Variants in BMP7 observed in about 807,000 individuals in gnomAD.
BMP7 encodes bone morphogenetic protein 7.
BMP7 carries 12 observed loss-of-function variants against 41.2 expected under a neutral mutation model. The observed-to-expected ratio is 0.29, with a 90% CI of 0.19 to 0.47. BMP7 has a LOEUF of 0.47. BMP7 is among the 20% of genes least tolerant of loss of function. BMP7 has a pLI of 0.99. For synonymous variants in BMP7, 248 were observed against 250.0 expected, an observed-to-expected ratio of 0.99 and a Z score of 0.07; for missense variants, 467 against 606.0, an observed-to-expected ratio of 0.77 and a Z score of 2.41.
intron 2 of BMP7, chr20:57,225,907 G>A (rs577681810): frequency 2.8e-5 from 13 of 469,634 alleles, no homozygotes; most frequent in African/African-American, 1.2e-4. Context: ...GCAGGGACTC[G>A]TGTCTGGTTC....
Position 57,183,822 on chromosome 20 carries a change from G to A in BMP7, c.858C>T (p.Val286=). Residue 286 remains valine (V), a synonymous_variant, in exon 4 of 7, where the codon GTC becomes GTT. Coordinates refer to ENST00000395863, the MANE Select transcript of BMP7 (RefSeq NM_001719.3). ...FMVAFFKATE[V]HFRSIRSTGS... is the part of the protein sequence containing the mutation. ...CCGTGGACCGGATGCTGCGGAAGTG[G>A]ACCTCCGTGGCCTTGAAGAAAGCCA... The A allele has an allele frequency of 1.2e-6, 2 of 1,614,170 alleles. No homozygotes were observed. The highest frequency in any genetic ancestry group is 2.2e-5 in the South Asian group (2 of 91,086).
At chr20:57,199,361 C>A (rs1427688467) in intron 3 of BMP7, among the ~76,000 whole-genome samples, 2 of 152,184 alleles carry the variant, frequency 1.3e-5, no homozygotes, top group Non-Finnish European at 2.9e-5. Flanking sequence ...CTCAAGTTAC[C>A]CAAGTCTTCT....
At position 57,266,149 on chromosome 20, in the gene BMP7, C is replaced by G. The variant is rs1269319587; in HGVS notation, c.-27G>C. 17 of 1,502,908 alleles carry G rather than the reference C, an allele frequency of 1.1e-5. No individual in the cohort carries two copies. Among genetic ancestry groups the G allele is most frequent in the Non-Finnish European group, 1.5e-5 (17 of 1,131,330 alleles). 93.1% of individuals were successfully genotyped at this position (1,502,908 alleles called of 1,614,324 possible). ...GCGCCGGCTCTACGCGCTACCCGGGCTCCGGGCTCCGGGCCCGCACCGCCC... is the reference window on the plus strand; with the variant it reads ...GCGCCGGCTCTACGCGCTACCCGGGGTCCGGGCTCCGGGCCCGCACCGCCC... On this transcript the variant is annotated 5_prime_UTR_variant, in exon 1 of 7. Coordinates refer to ENST00000395863, the MANE Select transcript of BMP7 (RefSeq NM_001719.3).
In BMP7 at chr20:57,222,022, C is replaced by T. The variant is rs149209791; in HGVS notation, c.611+6207G>A. Among the ~76,000 whole-genome samples the T allele has an allele frequency of 3.8e-3, 571 of 152,208 alleles. 5 individuals carry two copies. Among genetic ancestry groups the T allele is most frequent in the African/African-American group, 0.013 (552 of 41,534 alleles). ...GATCGCATTGTGGACCCAGCTAAAT[C>T]GATGGAAACGTAAAGAGAGCAGACC... On this transcript the variant is annotated intron_variant, in intron 2 of 6. Coordinates refer to ENST00000395863, the MANE Select transcript of BMP7 (RefSeq NM_001719.3).
chr20:57,232,854 C>T (rs1254442497), intron 1 of BMP7, among the ~76,000 whole-genome samples: 1 of 22,442 alleles, frequency 4.5e-5, no homozygotes, highest in African/African-American at 2.8e-4. Flanking sequence ...TCATGAAGTA[C>T]ACACACACAC....
chr20:57,247,638 T>A (rs956016209), intron 1 of BMP7, among the ~76,000 whole-genome samples: 1 of 152,172 alleles, frequency 6.6e-6, no homozygotes, highest in Non-Finnish European at 1.5e-5. Flanking sequence ...TTGATCAGGC[T>A]CCCAGTGTAA....
At chr20:57,210,586 G>T (rs1984856224) in intron 2 of BMP7, among the ~76,000 whole-genome samples, 1 of 152,208 alleles carries the variant, frequency 6.6e-6, no homozygotes, top group South Asian at 2.1e-4. Flanking sequence ...CAGGGAAGAT[G>T]GCCCTGAAAC....
rs566883192 is a variant in BMP7, at chr20:57,260,243, A to G, written c.418+5462T>C. 6.6e-5 allele frequency among the ~76,000 whole-genome samples: 10 copies of G among 152,300 alleles called. No individual in the cohort carries two copies. In the East Asian group the frequency reaches 1.5e-3, roughly 23 times the overall value. On this transcript the variant is annotated intron_variant, in intron 1 of 6. Transcript: ENST00000395863. ...GAATGCTTCCGAGAAAGGATTTTAGATGATGTAGGTAAATCTCATTGTTTT... is the reference window on the plus strand; with the variant it reads ...GAATGCTTCCGAGAAAGGATTTTAGGTGATGTAGGTAAATCTCATTGTTTT...
At chr20:57,192,563 A>T (rs1474186520) in intron 3 of BMP7, among the ~76,000 whole-genome samples, 1 of 151,906 alleles carries the variant, frequency 6.6e-6, no homozygotes, top group Non-Finnish European at 1.5e-5. Context: ...CACACTGGCT[A>T]GGGAGCCAGC....
chr20:57,257,684 A>G (rs565284773), intron 1 of BMP7, among the ~76,000 whole-genome samples: 5 of 152,198 alleles, frequency 3.3e-5, no homozygotes, highest in Admixed American at 1.3e-4. Flanking sequence ...TCTTCATGCC[A>G]TATGTGCACC....
chr20:57,255,167 A>G (rs549511187), intron 1 of BMP7, among the ~76,000 whole-genome samples: 3 of 152,050 alleles, frequency 2.0e-5, no homozygotes, highest in Non-Finnish European at 4.4e-5. Context: ...CCCGCTACCT[A>G]TTCGATACCC....
chr20:57,254,534 G>A (rs2066126641), intron 1 of BMP7, among the ~76,000 whole-genome samples: 1 of 152,058 alleles, frequency 6.6e-6, no homozygotes, highest in South Asian at 2.1e-4. Flanking sequence ...CCTTGTGTGG[G>A]AGGTTGGGGG....
chr20:57,214,507 G>C lies in BMP7; in HGVS notation c.612-11884C>G, dbSNP rs951944815. ...AGGTCATCCAACCTGTAAGGCCCTG[G>C]ATGGTCCGGCCCCTGTCTCCACAGC... On this transcript the variant is annotated intron_variant, in intron 2 of 6. Transcript: ENST00000395863. This position sits in a 1 kb window ranked among gnomAD's most constrained non-coding sequence, Gnocchi z 4.0. Among the ~76,000 whole-genome samples, 2 of 152,080 alleles carry C rather than the reference G, an allele frequency of 1.3e-5. No homozygotes were observed. Among genetic ancestry groups the C allele is most frequent in the Non-Finnish European group, 2.9e-5 (2 of 68,016 alleles).
At chr20:57,255,849 C>T (rs2865366) in intron 1 of BMP7, among the ~76,000 whole-genome samples, 145,377 of 148,316 alleles carry the variant, frequency 0.98, 71,255 homozygotes, top group East Asian at 1. Context: ...GGAATGTCTC[C>T]AAGGCCCAGG....
intron 1 of BMP7, among the ~76,000 whole-genome samples, chr20:57,242,843 A>G (rs1430771130): frequency 1.3e-5 from 2 of 152,046 alleles, no homozygotes; most frequent in Non-Finnish European, 2.9e-5. Flanking sequence ...TCTCTACTAA[A>G]AATACAAAAA....
At chr20:57,190,428 C>A (rs142800761) in intron 3 of BMP7, among the ~76,000 whole-genome samples, 7 of 19,696 alleles carry the variant, frequency 3.6e-4, no homozygotes, top group Non-Finnish European at 1.3e-3. Context: ...GTGAGGAGCC[C>A]GAGGGGGTGA....
rs1307244246 is a variant in BMP7 at position 57,174,979 on chromosome 20, G to A, written c.987C>T (p.Ala329=). ...AENSSSDQRQ[A]CKKHELYVSF... is the part of the protein sequence containing the mutation. ...TGACATACAGCTCGTGCTTCTTACAGGCCTGCCTCTGGTCGCTGCTGCTGT... is the reference window on the plus strand; with the variant it reads ...TGACATACAGCTCGTGCTTCTTACAAGCCTGCCTCTGGTCGCTGCTGCTGT... The change falls in exon 5 of 7, where the codon GCC becomes GCT. Residue 329 remains alanine (A), a synonymous_variant. Coordinates refer to ENST00000395863, the MANE Select transcript of BMP7 (RefSeq NM_001719.3). The surrounding 1 kb of genome is among the most constrained non-coding windows in gnomAD (Gnocchi z 4.3). 2.5e-6 allele frequency: 4 copies of A among 1,612,330 alleles called. No homozygotes were observed. The highest frequency in any genetic ancestry group is 1.1e-5 in the South Asian group (1 of 90,958).
At chr20:57,218,060 G>A (rs1985074972) in intron 2 of BMP7, among the ~76,000 whole-genome samples, 1 of 152,222 alleles carries the variant, frequency 6.6e-6, no homozygotes, top group African/African-American at 2.4e-5. Flanking sequence ...GCAAGGCCAG[G>A]GCCGGCTTCA....
rs562338534 is a variant in BMP7 at position 57,171,962 on chromosome 20, T to C, written c.1147-854A>G. Among the ~76,000 whole-genome samples, 1 of 152,354 alleles carries C rather than the reference T, an allele frequency of 6.6e-6. No individual in the cohort carries two copies. The highest frequency in any genetic ancestry group is 1.5e-5 in the Non-Finnish European group (1 of 68,038). ...TCCTCTGGAAGCATTTCATCAGGAC[T>C]CTCTAGAAGACAGTTGCCCCCTTTT... On this transcript the variant is annotated intron_variant, in intron 6 of 6. Transcript: ENST00000395863. The surrounding 1 kb of genome is among the most constrained non-coding windows in gnomAD (Gnocchi z 4.5).
Sources: gnomAD v4.1 joint callset for allele counts (sites outside exome capture counted in the v4.1 genomes callset) on GRCh38, gnomAD v4.1.1 for gene constraint, Gnocchi (gnomAD v3.1) non-coding constraint, MANE v1.5 for transcripts, NCBI Gene and HGNC (gene_info 2026-07-23, HGNC 2026-07-21) for gene names.